Variants in MEGF11 observed in about 807,000 individuals in gnomAD.
The protein encoded by MEGF11 is multiple EGF like domains 11.
MEGF11 carries 126 observed loss-of-function variants against 146.6 expected under a neutral mutation model. The observed-to-expected ratio is 0.86, with a 90% CI of 0.74 to 1.00. The LOEUF (loss-of-function observed/expected upper bound fraction) is 1.00, where lower values mean the gene tolerates loss of function less well. MEGF11 is among the 50% of genes least tolerant of loss of function. The pLI, the probability that MEGF11 is intolerant of heterozygous loss-of-function variation, is 0.00. For missense variants in MEGF11, 1,509 were observed against 1,521.2 expected, an observed-to-expected ratio of 0.99 and a Z score of 0.13; for synonymous variants, 532 against 583.4, an observed-to-expected ratio of 0.91 and a Z score of 1.27.
chr15:66,004,895 C>T (rs2082475388), intron 5 of MEGF11, among the ~76,000 whole-genome samples: 1 of 152,092 alleles, frequency 6.6e-6, no homozygotes, highest in South Asian at 2.1e-4. Flanking sequence ...GAACACAGAC[C>T]TTGGAAACTA....
chr15:66,177,848 A>G (rs913514339), intron 1 of MEGF11, among the ~76,000 whole-genome samples: 23 of 151,728 alleles, frequency 1.5e-4, no homozygotes, highest in African/African-American at 5.3e-4. Context: ...CCAGGCCCAG[A>G]TAATTTTTGT....
At chr15:66,095,248 TTC>T (rs2086492445) in intron 4 of MEGF11, among the ~76,000 whole-genome samples, 1 of 152,336 alleles carries the variant, frequency 6.6e-6, no homozygotes, top group Non-Finnish European at 1.5e-5. Flanking sequence ...GAAATTATTT[TTC>T]TCTTTCTTTG....
intron 5 of MEGF11, among the ~76,000 whole-genome samples, chr15:66,093,871 A>C (rs554656541): frequency 1.3e-5 from 2 of 152,118 alleles, no homozygotes; most frequent in East Asian, 3.9e-4. Flanking sequence ...GAGAAGGTGA[A>C]CCATCCACCC....
intron 1 of MEGF11, among the ~76,000 whole-genome samples, chr15:66,195,910 G>A (rs187639477): frequency 6.6e-6 from 1 of 152,346 alleles, no homozygotes; most frequent in African/African-American, 2.4e-5. Context: ...GGAGTAAGAC[G>A]TGGTGGGGAG....
chr15:66,197,405 G>A (rs975429401), intron 1 of MEGF11, among the ~76,000 whole-genome samples: 2 of 152,058 alleles, frequency 1.3e-5, no homozygotes, highest in Admixed American at 6.5e-5. Flanking sequence ...CTCTCATGGA[G>A]CTGATGTTTT....
At chr15:65,932,415 G>C (rs1006819669) in intron 10 of MEGF11, among the ~76,000 whole-genome samples, 2 of 152,090 alleles carry the variant, frequency 1.3e-5, no homozygotes, top group African/African-American at 2.4e-5. Context: ...CCACTCTACC[G>C]GTAAGTGGGT....
intron 10 of MEGF11, among the ~76,000 whole-genome samples, chr15:65,952,347 G>C (rs2080437268): frequency 6.6e-6 from 1 of 152,168 alleles, no homozygotes; most frequent in African/African-American, 2.4e-5. Context: ...GCCACAGAGA[G>C]GGGTGATGTG....
chr15:65,897,968 G>A lies in MEGF11; in HGVS notation c.3389C>T (p.Pro1130Leu). 6.2e-7 allele frequency: 1 copy of A among 1,614,006 alleles called. No homozygotes were observed. Among genetic ancestry groups the A allele is most frequent in the Non-Finnish European group, 8.5e-7 (1 of 1,179,858 alleles). Residue 1130 changes from proline to leucine, a missense_variant, in exon 26 of 26, where the codon CCT (proline) becomes CTT (leucine). Pro to Leu is a moderately conservative substitution (Grantham distance 98). Transcript: ENST00000395614. ...HYDLLPVRQS[P>L]ANGPSQDKQS ...CTTGTCCTGGGACGGCCCATTGGCA[G>A]GGCTCTGTCTTACTGGGAGGAGGTC...
intron 10 of MEGF11, among the ~76,000 whole-genome samples, chr15:65,947,847 C>T (rs1016521930): frequency 1.3e-5 from 2 of 152,174 alleles, no homozygotes; most frequent in Non-Finnish European, 2.9e-5. Context: ...GCCACTAGGC[C>T]TGAGACAAAG....
chr15:66,207,824 T>G (rs909363929), intron 1 of MEGF11, among the ~76,000 whole-genome samples: 4 of 152,338 alleles, frequency 2.6e-5, no homozygotes, highest in Admixed American at 1.3e-4. Context: ...GGCTCACGCC[T>G]GTAGTCCCAG....
chr15:66,202,899 C>CCGTGCTGA (rs1426867045), intron 1 of MEGF11, among the ~76,000 whole-genome samples: 1 of 152,194 alleles, frequency 6.6e-6, no homozygotes, highest in African/African-American at 2.4e-5. Context: ...CTTATTTCAG[C>CCGTGCTGA]CGTGCTGACC....
In MEGF11 at chr15:65,915,678, TAAGCCTGTTTTGCCTCCCACTGAGTG is replaced by T. The variant is rs1416466645; in HGVS notation, c.2345-106_2345-81del. Reference sequence around the variant, plus strand: ...TTCCATGTTTAGACAGCTATGGCAATAAGCCTGTTTTGCCTCCCACTGAGTGAAGCCTATTCCCTTAGCTCCTGTTG... The same window carrying T: ...TTCCATGTTTAGACAGCTATGGCAATAAGCCTATTCCCTTAGCTCCTGTTG... On this transcript the variant is annotated intron_variant, in intron 18 of 25. Transcript: ENST00000395614. 2.6e-6 allele frequency: 4 copies of T among 1,541,292 alleles called. No homozygotes were observed. In the African/African-American group the frequency reaches 5.5e-5, roughly 21 times the overall value.
Position 66,217,147 on chromosome 15 carries a change from A to G in MEGF11, c.-9+36458T>C, listed in dbSNP as rs147553010. Reference sequence around the variant, plus strand: ...TCCACCTCAGAGTCTATTTCTCAGGAAACCCCACCTAAGTCAGGGGGCATG... The same window carrying G: ...TCCACCTCAGAGTCTATTTCTCAGGGAACCCCACCTAAGTCAGGGGGCATG... On this transcript the variant is annotated intron_variant, in intron 1 of 25. Coordinates refer to ENST00000395614, the MANE Select transcript of MEGF11 (RefSeq NM_001385028.1). Among the ~76,000 whole-genome samples, 933 of 152,346 alleles carry G rather than the reference A, an allele frequency of 6.1e-3. 9 individuals carry two copies. The highest frequency in any genetic ancestry group is 0.021 in the African/African-American group (892 of 41,580).
chr15:65,977,477 CT>C lies in MEGF11; in HGVS notation c.762+3300del, dbSNP rs1180788795. Among the ~76,000 whole-genome samples the C allele has an allele frequency of 5.6e-3, 729 of 130,370 alleles. 4 individuals are homozygous for C. Among genetic ancestry groups the C allele is most frequent in the Middle Eastern group, 0.012 (3 of 248 alleles). The allele number at this position is 130,370 out of a possible 152,430, so 85.5% of individuals were successfully genotyped here. A position where few individuals can be genotyped will look rare whatever the true frequency, so the allele number is the denominator to read the frequency against. ...CCTCGGCCCCAAAAACTCTCTCCCT[CT>C]TTTTTTTTTTTTTTTTTTTGAGATG... On this transcript the variant is annotated intron_variant, in intron 7 of 25. Transcript: ENST00000395614.
intron 1 of MEGF11, among the ~76,000 whole-genome samples, chr15:66,214,905 T>C (rs2091548780): frequency 6.6e-6 from 1 of 151,220 alleles, no homozygotes; most frequent in African/African-American, 2.4e-5. Context: ...GAGGGAAGAA[T>C]AGGGGAGGGG....
At chr15:65,937,915 C>T (rs1191169784) in intron 10 of MEGF11, among the ~76,000 whole-genome samples, 2 of 152,250 alleles carry the variant, frequency 1.3e-5, no homozygotes, top group Non-Finnish European at 2.9e-5. Context: ...CTGCTGCAGC[C>T]TTTGCAAGTG....
intron 5 of MEGF11, among the ~76,000 whole-genome samples, chr15:66,007,012 C>A (rs2082540312): frequency 6.6e-6 from 1 of 152,248 alleles, no homozygotes; most frequent in African/African-American, 2.4e-5. Context: ...GGTTTGAATT[C>A]TTCCCCTCTT....
At chr15:66,064,212 A>G (rs1238766661) in intron 5 of MEGF11, among the ~76,000 whole-genome samples, 1 of 152,146 alleles carries the variant, frequency 6.6e-6, no homozygotes, top group East Asian at 1.9e-4. Context: ...TACTAAAAAC[A>G]CAGAAAATGA....
chr15:66,088,598 T>C (rs539183479), intron 5 of MEGF11, among the ~76,000 whole-genome samples: 3 of 151,452 alleles, frequency 2.0e-5, no homozygotes, highest in East Asian at 1.9e-4. Flanking sequence ...GAGGGTGCAG[T>C]GAACCGAGAT....
Sources: gnomAD v4.1 joint callset for allele counts (sites outside exome capture counted in the v4.1 genomes callset) on GRCh38, gnomAD v4.1.1 for gene constraint, MANE v1.5 for transcripts, NCBI Gene and HGNC (gene_info 2026-07-23, HGNC 2026-07-21) for gene names.